SHANK2: variants seen among roughly 807,000 people sequenced by gnomAD.
The protein encoded by SHANK2 is SH3 and multiple ankyrin repeat domains 2, also known as SH3 and multiple ankyrin repeat domains protein 2.
SHANK2 carries 43 observed loss-of-function variants against 133.7 expected under a neutral mutation model. The observed-to-expected ratio is 0.32, with a 90% CI of 0.25 to 0.41. SHANK2 has a LOEUF of 0.41. SHANK2 is among the 10% of genes least tolerant of loss of function. The probability of loss-of-function intolerance (pLI) is 1.00; values close to 1 mark genes in which losing one functional copy is unlikely to be tolerated. For synonymous variants in SHANK2, 1,017 were observed against 952.8 expected (o/e 1.07, Z -1.24); for missense variants, 1,994 against 2,235.8 (o/e 0.89, Z 2.18).
intron 15 of SHANK2, 133 bp downstream of exon 15, chr11:70,698,555 C>A: frequency 1.5e-6 from 1 of 689,378 alleles, no homozygotes; most frequent in South Asian, 1.6e-5. Context: ...TTCCATAGTC[C>A]TAGCCCGGTA....
At chr11:70,835,720 G>T (rs537770791) in intron 11 of SHANK2, among the ~76,000 whole-genome samples, 2 of 152,330 alleles carry the variant, frequency 1.3e-5, no homozygotes, top group South Asian at 4.1e-4. Flanking sequence ...TGAGCTTGGT[G>T]GTGGAAGATG....
At chr11:71,170,311 A>C (rs1298906277) in intron 2 of SHANK2, among the ~76,000 whole-genome samples, 1 of 152,206 alleles carries the variant, frequency 6.6e-6, no homozygotes, top group Non-Finnish European at 1.5e-5. Flanking sequence ...ACGTAGTGGT[A>C]ATTTTGCTGA....
chr11:70,686,085 TTCCA>T (rs370106566), intron 15 of SHANK2, among the ~76,000 whole-genome samples: 1 of 120,962 alleles, frequency 8.3e-6, no homozygotes, highest in Non-Finnish European at 1.7e-5. Context: ...CCTTCCTTCC[TTCCA>T]TCCATCTATC....
chr11:71,104,851 C>T (rs1176031157), intron 6 of SHANK2, among the ~76,000 whole-genome samples: 1 of 152,254 alleles, frequency 6.6e-6, no homozygotes, highest in Non-Finnish European at 1.5e-5. Context: ...GAGACCAGGG[C>T]CATCTGCGCT....
intron 17 of SHANK2, among the ~76,000 whole-genome samples, chr11:70,543,806 G>A (rs1554975680): frequency 1.3e-5 from 2 of 152,188 alleles, no homozygotes; most frequent in African/African-American, 2.4e-5. Context: ...AGGACGTGGG[G>A]CCCATCTTGT....
intron 9 of SHANK2, among the ~76,000 whole-genome samples, chr11:71,065,993 A>T (rs1171769117): frequency 6.6e-4 from 5 of 7,534 alleles, no homozygotes; most frequent in East Asian, 3.6e-3. Context: ...TTGGGAGGGG[A>T]GTACAGAACT....
intron 8 of SHANK2, among the ~76,000 whole-genome samples, chr11:71,086,427 ATATATT>A (rs1322052692): frequency 5.4e-5 from 7 of 130,708 alleles, no homozygotes; most frequent in Non-Finnish European, 9.4e-5. Flanking sequence ...AATACATATT[ATATATT>A]TATAATTTAT....
chr11:71,113,315 T>A lies in SHANK2; in HGVS notation c.461A>T (p.Gln154Leu). The A allele has an allele frequency of 6.4e-7, 1 of 1,551,696 alleles. No individual in the cohort carries two copies. The highest frequency in any genetic ancestry group is 2.4e-5 in the East Asian group (1 of 40,928). ...VYKQASLDEK[Q>L]LAKLHTKTNL... ...TACCTTCGTGTGGAGCTTGGCCAAC[T>A]GTTTCTCATCGAGACTGGCTTGTTT... is the stretch of plus-strand genomic sequence containing the variant. Residue 154 changes from glutamine to leucine, a missense_variant, in exon 5 of 26, where the codon CAG (glutamine) becomes CTG (leucine). Physicochemically the swap from Gln to Leu is moderately radical, Grantham distance 113. This residue lies in a region of SHANK2 where 653 missense variants were observed against 563.4 expected (regional missense o/e 1.16). Transcript: ENST00000601538.
intron 17 of SHANK2, among the ~76,000 whole-genome samples, chr11:70,645,125 C>T (rs943123041): frequency 5.9e-5 from 9 of 152,154 alleles, no homozygotes; most frequent in East Asian, 1.9e-4. Flanking sequence ...GCAGGAGAAT[C>T]GCTTGAACCT....
At chr11:70,599,871 G>A (rs1373009658) in intron 17 of SHANK2, among the ~76,000 whole-genome samples, 4 of 94,232 alleles carry the variant, frequency 4.2e-5, no homozygotes, top group African/African-American at 1.1e-4. Flanking sequence ...TAAAAAGAAA[G>A]AAAGAAAGAA....
chr11:71,074,741 T>C (rs1258924620), intron 9 of SHANK2, among the ~76,000 whole-genome samples: 1 of 152,002 alleles, frequency 6.6e-6, no homozygotes, highest in African/African-American at 2.4e-5. Flanking sequence ...TTAGTATATT[T>C]TGTTTCTTTT....
At chr11:70,870,458 G>T (rs1289742518) in intron 11 of SHANK2, among the ~76,000 whole-genome samples, 1 of 152,196 alleles carries the variant, frequency 6.6e-6, no homozygotes, top group Non-Finnish European at 1.5e-5. Context: ...TGCCCAGGAG[G>T]AAGGGCCAGC....
intron 2 of SHANK2, among the ~76,000 whole-genome samples, chr11:71,156,712 G>A (rs1388066714): frequency 1.3e-5 from 2 of 152,190 alleles, no homozygotes; most frequent in Non-Finnish European, 2.9e-5. Flanking sequence ...AAAACACACA[G>A]GTCATTTTGC....
chr11:71,114,383 C>T (rs1421518132), intron 4 of SHANK2, among the ~76,000 whole-genome samples: 3 of 152,136 alleles, frequency 2.0e-5, no homozygotes, highest in Non-Finnish European at 2.9e-5. Flanking sequence ...GGGCAGGTGG[C>T]GGGTGAGCTC....
At chr11:70,735,221 C>T (rs1344177187) in intron 14 of SHANK2, among the ~76,000 whole-genome samples, 2 of 152,212 alleles carry the variant, frequency 1.3e-5, no homozygotes, top group Non-Finnish European at 2.9e-5. Context: ...GACAGAGGCG[C>T]ACCTTGTGAG....
chr11:70,704,924 G>A (rs1591767315), intron 14 of SHANK2, among the ~76,000 whole-genome samples: 1 of 136,340 alleles, frequency 7.3e-6, no homozygotes, highest in South Asian at 2.1e-4. Flanking sequence ...AATTTTGAGA[G>A]GAAGTGAATT....
chr11:70,792,079 C>T (rs1396502646), intron 14 of SHANK2, among the ~76,000 whole-genome samples: 1 of 152,124 alleles, frequency 6.6e-6, no homozygotes, highest in South Asian at 2.1e-4. Flanking sequence ...ATCCATCCAA[C>T]CAACAAACCA....
At chr11:71,137,274 T>A (rs1452376038) in intron 3 of SHANK2, among the ~76,000 whole-genome samples, 3 of 143,790 alleles carry the variant, frequency 2.1e-5, no homozygotes, top group African/African-American at 8.0e-5. Flanking sequence ...AATCCTTTTT[T>A]AAAATAAGTA....
In SHANK2 at chr11:71,158,251, AG is replaced by A. The variant is rs1952940410; in HGVS notation, c.-12-10914del. Among the ~76,000 whole-genome samples the A allele has an allele frequency of 2.0e-5, 3 of 152,368 alleles. No homozygotes were observed. In the East Asian group the frequency reaches 5.8e-4, roughly 29 times the overall value. Reference sequence around the variant, plus strand: ...TTAAATAATGTGTAACCATAAAACTAGTTAAAAAAAAGTCCAGCAAAATGCC... The same window carrying A: ...TTAAATAATGTGTAACCATAAAACTATTAAAAAAAAGTCCAGCAAAATGCC... On this transcript the variant is annotated intron_variant, in intron 2 of 25. Coordinates refer to ENST00000601538, the MANE Select transcript of SHANK2 (RefSeq NM_012309.5).
Sources: allele counts gnomAD v4.1 joint callset (sites outside exome capture counted in the v4.1 genomes callset), GRCh38; gene constraint gnomAD v4.1.1; regional missense constraint gnomAD v4.1.1; transcripts MANE v1.5; gene names NCBI Gene and HGNC (gene_info 2026-07-23, HGNC 2026-07-21).